DNASE1: variants seen among roughly 807,000 people sequenced by gnomAD.
DNASE1 encodes deoxyribonuclease-1.
In DNASE1, 40 loss-of-function variants were observed where a neutral mutation model predicts 33.9. That is an observed-to-expected ratio of 1.18 (90% CI 0.92 to 1.54). The LOEUF (loss-of-function observed/expected upper bound fraction) is 1.54. Among genes scored for constraint, DNASE1 ranks in the 40% most tolerant of loss-of-function variants. The pLI, the probability that DNASE1 is intolerant of heterozygous loss-of-function variation, is 0.00. For synonymous variants in DNASE1, 216 were observed against 160.0 expected (o/e 1.35, Z -2.64); for missense variants, 518 against 372.6 (o/e 1.39, Z -3.21).
downstream of DNASE1, chr16:3,662,891 G>A (rs765099074): frequency 1.3e-5 from 21 of 1,613,468 alleles, no homozygotes; most frequent in South Asian, 1.1e-5. Flanking sequence ...CCTTCACGTT[G>A]GTGACACGCG....
chr16:3,616,097 C>T (rs767471245), intron 1 of DNASE1, among the ~76,000 whole-genome samples: 11 of 152,160 alleles, frequency 7.2e-5, no homozygotes, highest in South Asian at 2.1e-4. Context: ...ACTGTTTTTA[C>T]GTGTATAAGT....
upstream of DNASE1, among the ~76,000 whole-genome samples, chr16:3,650,399 A>T (rs576656775): frequency 2.6e-5 from 4 of 152,300 alleles, no homozygotes; most frequent in Non-Finnish European, 4.4e-5. Context: ...AGGGAAAAAA[A>T]GCTGAGACAT....
intron 1 of DNASE1, 41 bp from the exon 2 acceptor site, chr16:3,655,332 G>A (rs752638627): frequency 2.5e-5 from 40 of 1,612,574 alleles, no homozygotes; most frequent in Middle Eastern, 1.7e-4. Context: ...CAGGGATGAC[G>A]TCTCACTTCT....
At chr16:3,660,083 A>G (rs1387923576), downstream of DNASE1, 2 of 152,236 alleles carry the variant, frequency 1.3e-5, no homozygotes, top group African/African-American at 4.8e-5. Context: ...CGTAGCTGGA[A>G]AAAAAGGACA....
intron 1 of DNASE1, among the ~76,000 whole-genome samples, chr16:3,633,891 C>T (rs2041783769): frequency 6.6e-6 from 1 of 151,948 alleles, no homozygotes; most frequent in African/African-American, 2.4e-5. Context: ...TCACTGCAAG[C>T]TCTGGATTCC....
intron 1 of DNASE1, among the ~76,000 whole-genome samples, chr16:3,622,917 A>G (rs184277080): frequency 7.6e-4 from 116 of 152,302 alleles, no homozygotes; most frequent in Admixed American, 1.9e-3. Flanking sequence ...TGGAGGCATC[A>G]CATTACCTGA....
rs2042817168 is a variant in DNASE1 at position 3,658,074 on chromosome 16, G to C, written c.*121G>C. The stretch of plus-strand genomic sequence containing the variant: ...ATACCTTTAAATTTAGGTAAATAAA[G>C]CTCAAGGAGGTGGGGCTGTCATCTG... On this transcript the variant is annotated 3_prime_UTR_variant, in exon 9 of 9. Coordinates refer to ENST00000246949, the MANE Select transcript of DNASE1 (RefSeq NM_005223.4). The C allele has an allele frequency of 6.2e-7, 1 of 1,609,608 alleles. No homozygotes were observed. Among genetic ancestry groups the C allele is most frequent in the Non-Finnish European group, 8.5e-7 (1 of 1,176,852 alleles).
intron 1 of DNASE1, among the ~76,000 whole-genome samples, chr16:3,648,168 C>G (rs1295737647): frequency 6.6e-6 from 1 of 152,132 alleles, no homozygotes; most frequent in Non-Finnish European, 1.5e-5. Context: ...GAACCTGTCT[C>G]AAAAGAAAAC....
At chr16:3,622,230 A>C (rs902108496) in intron 1 of DNASE1, among the ~76,000 whole-genome samples, 4 of 151,950 alleles carry the variant, frequency 2.6e-5, no homozygotes, top group African/African-American at 4.8e-5. Flanking sequence ...AAAAAAAAAA[A>C]AACGGAGGCT....
chr16:3,615,953 A>G (rs570564903), intron 1 of DNASE1, among the ~76,000 whole-genome samples: 1 of 152,202 alleles, frequency 6.6e-6, no homozygotes, highest in South Asian at 2.1e-4. Context: ...TTATCTTGAC[A>G]GGGGTTGGGG....
intron 1 of DNASE1, among the ~76,000 whole-genome samples, chr16:3,636,549 T>G (rs375041137): frequency 3.9e-5 from 6 of 152,146 alleles, no homozygotes; most frequent in Non-Finnish European, 5.9e-5. Context: ...AGGCCGGGCA[T>G]GGTGGCTCAC....
chr16:3,637,625 C>G (rs1029076610), intron 1 of DNASE1, among the ~76,000 whole-genome samples: 4 of 152,138 alleles, frequency 2.6e-5, no homozygotes. Context: ...AAGTTAGGCT[C>G]TTGTAAAATA....
upstream of DNASE1, chr16:3,653,096 TA>T (rs2042391426): frequency 1.3e-5 from 2 of 152,320 alleles, no homozygotes; most frequent in African/African-American, 4.8e-5. Context: ...GCTGTTGAGA[TA>T]AGGACATCCT....
chr16:3,665,015 G>T, exon 10 of DNASE1: 1 of 154,202 alleles, frequency 6.5e-6, no homozygotes, highest in East Asian at 1.9e-4. Flanking sequence ...GGGGAAAACA[G>T]AAAGAGGGAA....
At chr16:3,634,075 G>C (rs2151181713) in intron 1 of DNASE1, among the ~76,000 whole-genome samples, 2 of 152,054 alleles carry the variant, frequency 1.3e-5, no homozygotes, top group Middle Eastern at 6.8e-3. Context: ...CTCCCAAAGT[G>C]CTGGGATTAC....
At chr16:3,614,211 G>A (rs771707432) in intron 1 of DNASE1, among the ~76,000 whole-genome samples, 3 of 150,066 alleles carry the variant, frequency 2.0e-5, no homozygotes, top group African/African-American at 4.9e-5. Flanking sequence ...CGCGCCCGGC[G>A]TAATTTTTTG....
At chr16:3,654,303 G>C (rs921310213), upstream of DNASE1, 1 of 398,288 alleles carries the variant, frequency 2.5e-6, no homozygotes, top group Non-Finnish European at 4.4e-6. Flanking sequence ...GGCCCCACCT[G>C]TCCTGGCCCC....
chr16:3,661,944 T>A, downstream of DNASE1: 1 of 1,553,598 alleles, frequency 6.4e-7, no homozygotes, highest in African/African-American at 1.4e-5. Context: ...CACAGGATTC[T>A]GGGGAATCCC....
At chr16:3,620,677 T>A (rs1219309053) in intron 1 of DNASE1, among the ~76,000 whole-genome samples, 1 of 152,198 alleles carries the variant, frequency 6.6e-6, no homozygotes, top group Non-Finnish European at 1.5e-5. Flanking sequence ...ATGCAATAAA[T>A]GTCTTTGTAC....
Sources: gnomAD v4.1 joint callset for allele counts (sites outside exome capture counted in the v4.1 genomes callset) on GRCh38, gnomAD v4.1.1 for gene constraint, MANE v1.5 for transcripts, NCBI Gene and HGNC (gene_info 2026-07-23, HGNC 2026-07-21) for gene names.